The following GALNTL6 variants were observed in gnomAD, a reference collection of about 807,000 sequenced individuals.
GALNTL6 encodes the protein polypeptide N-acetylgalactosaminyltransferase-like 6.
Under a neutral mutation model 73.7 loss-of-function variants are expected in GALNTL6, and 46 were observed. The observed-to-expected ratio is 0.62, with a 90% CI of 0.49 to 0.80. The LOEUF (loss-of-function observed/expected upper bound fraction) is 0.80, where lower values mean the gene tolerates loss of function less well. GALNTL6 is among the 30% of genes least tolerant of loss of function. The pLI is 0.00. For synonymous variants in GALNTL6, 259 were observed against 263.7 expected (o/e 0.98, Z 0.17); for missense variants, 604 against 755.0 (o/e 0.80, Z 2.34).
chr4:172,596,632 C>T (rs1737866873), intron 5 of GALNTL6, among the ~76,000 whole-genome samples: 2 of 152,120 alleles, frequency 1.3e-5, no homozygotes, highest in Non-Finnish European at 2.9e-5. Flanking sequence ...CAGAAAACAA[C>T]ACTCTCTTTA....
chr4:172,293,741 A>G lies in GALNTL6; in HGVS notation c.248-17873A>G, dbSNP rs28573356. Among the ~76,000 whole-genome samples the G allele has an allele frequency of 4.2e-3, 634 of 151,702 alleles. 6 individuals carry two copies. Among genetic ancestry groups the G allele is most frequent in the African/African-American group, 0.015 (612 of 41,486 alleles). ...TAAATTAAAAATATATTATAAATAT[A>G]TTACTATACAAAACATTTTGCATAA... On this transcript the variant is annotated intron_variant, in intron 3 of 12. Transcript: ENST00000506823.
At chr4:172,393,467 C>T (rs1743738763) in intron 5 of GALNTL6, among the ~76,000 whole-genome samples, 1 of 152,160 alleles carries the variant, frequency 6.6e-6, no homozygotes, top group African/African-American at 2.4e-5. Flanking sequence ...TCCAACCACT[C>T]TGAGTAGCAG....
At chr4:172,156,448 G>A (rs936601212) in intron 2 of GALNTL6, among the ~76,000 whole-genome samples, 1 of 150,066 alleles carries the variant, frequency 6.7e-6, no homozygotes, top group African/African-American at 2.5e-5. Flanking sequence ...ATTCCACACT[G>A]AAAATGTTTT....
At chr4:172,280,788 A>G (rs1481528634) in intron 3 of GALNTL6, among the ~76,000 whole-genome samples, 1 of 152,130 alleles carries the variant, frequency 6.6e-6, no homozygotes, top group East Asian at 1.9e-4. Context: ...ATATTCAAAT[A>G]AATTCCATGT....
chr4:172,665,608 A>G (rs149877211), intron 5 of GALNTL6, among the ~76,000 whole-genome samples: 8 of 152,350 alleles, frequency 5.3e-5, no homozygotes, highest in African/African-American at 1.2e-4. Flanking sequence ...ATGCATATGC[A>G]TAAATATTAT....
intron 2 of GALNTL6, among the ~76,000 whole-genome samples, chr4:172,055,495 G>T (rs755168117): frequency 6.6e-6 from 1 of 152,118 alleles, no homozygotes; most frequent in African/African-American, 2.4e-5. Flanking sequence ...GGGCTCTTTG[G>T]TAAAAATTAG....
chr4:172,500,276 C>T (rs1005078441), intron 5 of GALNTL6, among the ~76,000 whole-genome samples: 2 of 151,988 alleles, frequency 1.3e-5, no homozygotes, highest in East Asian at 1.9e-4. Flanking sequence ...GAAAAATTAG[C>T]CAGGTATGGT....
intron 4 of GALNTL6, among the ~76,000 whole-genome samples, chr4:172,337,303 G>A (rs972587835): frequency 6.6e-6 from 1 of 152,084 alleles, no homozygotes; most frequent in African/African-American, 2.4e-5. Flanking sequence ...ATGATGATAT[G>A]TGAGGTTTTA....
intron 8 of GALNTL6, among the ~76,000 whole-genome samples, chr4:172,920,898 A>G (rs1243218131): frequency 6.6e-6 from 1 of 152,224 alleles, no homozygotes; most frequent in Non-Finnish European, 1.5e-5. Flanking sequence ...ACATCACTTA[A>G]TGAACATAGT....
chr4:171,943,315 A>G (rs1264112588), intron 2 of GALNTL6, among the ~76,000 whole-genome samples: 1 of 152,168 alleles, frequency 6.6e-6, no homozygotes, highest in African/African-American at 2.4e-5. Context: ...CTTCTCTCTC[A>G]TCGGTAGCCT....
In GALNTL6 at chr4:171,850,573, TA is replaced by T. The variant is rs1207531617; in HGVS notation, c.138+35857del. On this transcript the variant is annotated intron_variant, in intron 2 of 12. Transcript: ENST00000506823. ...GTAACTAGAACCTAGTTCATTTTGT[TA>T]AGTGCAGGTGTGTGACTTTACCCTT... is the stretch of plus-strand genomic sequence containing the variant. Among the ~76,000 whole-genome samples, 479 of 152,196 alleles carry T rather than the reference TA, an allele frequency of 3.1e-3. 3 individuals are homozygous for T. The highest frequency in any genetic ancestry group is 0.011 in the African/African-American group (461 of 41,522).
intron 2 of GALNTL6, among the ~76,000 whole-genome samples, chr4:171,904,226 AAAG>A (rs1737200040): frequency 6.6e-6 from 1 of 152,188 alleles, no homozygotes; most frequent in African/African-American, 2.4e-5. Flanking sequence ...AACCAAAGGC[AAAG>A]AAGTTGAAAA....
chr4:172,084,945 C>G (rs1731984356), intron 2 of GALNTL6, among the ~76,000 whole-genome samples: 1 of 152,100 alleles, frequency 6.6e-6, no homozygotes, highest in South Asian at 2.1e-4. Context: ...ATTTGAAAAT[C>G]AGTCATTTAA....
intron 8 of GALNTL6, among the ~76,000 whole-genome samples, chr4:172,926,179 A>G (rs1268214084): frequency 2.0e-5 from 3 of 152,118 alleles, no homozygotes; most frequent in South Asian, 2.1e-4. Context: ...GTATCTTCAC[A>G]TGGTGGAAAG....
intron 9 of GALNTL6, among the ~76,000 whole-genome samples, chr4:172,951,498 CTGAT>C (rs1478326287): frequency 6.6e-6 from 1 of 152,246 alleles, no homozygotes; most frequent in African/African-American, 2.4e-5. Flanking sequence ...GTACTAATTT[CTGAT>C]TGATATCTGT....
At chr4:172,040,539 T>G (rs1742055033) in intron 2 of GALNTL6, among the ~76,000 whole-genome samples, 1 of 152,118 alleles carries the variant, frequency 6.6e-6, no homozygotes, top group East Asian at 1.9e-4. Context: ...TGCTTACTGG[T>G]TCAATTTCTA....
At chr4:172,714,563 G>T (rs577200717) in intron 5 of GALNTL6, among the ~76,000 whole-genome samples, 12 of 152,104 alleles carry the variant, frequency 7.9e-5, no homozygotes, top group Non-Finnish European at 1.6e-4. Context: ...AAAATATAAG[G>T]AAATCATTAG....
intron 2 of GALNTL6, among the ~76,000 whole-genome samples, chr4:172,179,221 G>A (rs1348137454): frequency 1.3e-4 from 19 of 151,176 alleles, no homozygotes; most frequent in Admixed American, 1.1e-3. Flanking sequence ...GATCCCTGAG[G>A]AATCGCCACA....
In GALNTL6 at chr4:172,952,126, G is replaced by A. The variant is rs1217122549; in HGVS notation, c.1239G>A (p.Gly413=). 1 of 1,613,986 alleles carries A rather than the reference G, an allele frequency of 6.2e-7. No individual in the cohort carries two copies. Among genetic ancestry groups the A allele is most frequent in the South Asian group, 1.1e-5 (1 of 91,064 alleles). The change falls in exon 10 of 13, where the codon GGG becomes GGA. Residue 413 remains glycine (G), a synonymous_variant. Coordinates refer to ENST00000506823, the MANE Select transcript of GALNTL6 (RefSeq NM_001034845.3). ...CGGAGTACAGGCATCTCTCCACGGG[G>A]GACATCTCTGCCCAGAAGGAGCTGC... ...RRPEYRHLST[G]DISAQKELRK... is the part of the protein sequence containing the mutation.
Sources: gnomAD v4.1 joint callset for allele counts (sites outside exome capture counted in the v4.1 genomes callset) on GRCh38, gnomAD v4.1.1 for gene constraint, MANE v1.5 for transcripts, NCBI Gene and HGNC (gene_info 2026-07-23, HGNC 2026-07-21) for gene names.